ZNF248: variants seen among roughly 807,000 people sequenced by gnomAD.
ZNF248 encodes KRAB protein domain.
ZNF248 carries 20 observed loss-of-function variants against 44.3 expected under a neutral mutation model. The observed-to-expected ratio is 0.45, with a 90% CI of 0.32 to 0.66. The LOEUF is 0.66. Ranked by LOEUF, ZNF248 falls within the 30% of genes least tolerant of loss-of-function variation. ZNF248 has a pLI of 0.04. For missense variants in ZNF248, 654 were observed against 677.0 expected (o/e 0.97, Z 0.38); for synonymous variants, 224 against 229.0 (o/e 0.98, Z 0.20).
chr10:37,778,204 CCTGA>C (rs2046834473), intron 6 of ZNF248, among the ~76,000 whole-genome samples: 1 of 151,474 alleles, frequency 6.6e-6, no homozygotes, highest in South Asian at 2.1e-4. Flanking sequence ...CCTGTTGTTT[CCTGA>C]CTTTTTAATG....
intron 6 of ZNF248, among the ~76,000 whole-genome samples, chr10:37,822,174 T>G (rs2053579097): frequency 1.3e-5 from 2 of 152,196 alleles, no homozygotes; most frequent in Non-Finnish European, 2.9e-5. Flanking sequence ...AATTAATCTC[T>G]CCCTGGAGGC....
intron 6 of ZNF248, among the ~76,000 whole-genome samples, chr10:37,801,081 A>T (rs191494037): frequency 1.7e-3 from 252 of 152,046 alleles, no homozygotes; most frequent in Admixed American, 4.1e-3. Flanking sequence ...TTTTTAAAAA[A>T]ATATCATTAT....
chr10:37,800,809 T>G (rs1210368318), intron 6 of ZNF248, among the ~76,000 whole-genome samples: 1 of 151,732 alleles, frequency 6.6e-6, no homozygotes, highest in East Asian at 2.0e-4. Flanking sequence ...TCACCCAAGG[T>G]GGAGTGCAGT....
intron 6 of ZNF248, among the ~76,000 whole-genome samples, chr10:37,811,608 A>G (rs1056542080): frequency 2.7e-5 from 4 of 150,028 alleles, no homozygotes; most frequent in African/African-American, 4.9e-5. Context: ...GCAGAAGTGG[A>G]CAGACTGCTT....
intron 6 of ZNF248, among the ~76,000 whole-genome samples, chr10:37,788,427 C>G (rs1042656423): frequency 6.6e-6 from 1 of 152,098 alleles, no homozygotes; most frequent in Non-Finnish European, 1.5e-5. Context: ...TCAAGACTAA[C>G]CTGGTCAACA....
chr10:37,790,538 C>T (rs1351086421), intron 6 of ZNF248, among the ~76,000 whole-genome samples: 2 of 151,624 alleles, frequency 1.3e-5, no homozygotes, highest in East Asian at 2.0e-4. Context: ...GGTGAAACCC[C>T]GTTTCTACTA....
intron 5 of ZNF248, among the ~76,000 whole-genome samples, chr10:37,835,550 G>A (rs1297300411): frequency 6.6e-6 from 1 of 152,202 alleles, no homozygotes; most frequent in Non-Finnish European, 1.5e-5. Context: ...GCATATAACT[G>A]CACGGCAATG....
chr10:37,852,036 T>C (rs553901174), intron 3 of ZNF248, among the ~76,000 whole-genome samples: 12 of 152,058 alleles, frequency 7.9e-5, no homozygotes, highest in South Asian at 4.2e-4. Context: ...TCATCTGAGG[T>C]TGGGAGTTTG....
At chr10:37,786,120 C>T (rs1417878751) in intron 6 of ZNF248, among the ~76,000 whole-genome samples, 1 of 152,176 alleles carries the variant, frequency 6.6e-6, no homozygotes, top group African/African-American at 2.4e-5. Flanking sequence ...TTTTATCTCA[C>T]TAAGGCTGAT....
At chr10:37,758,818 GT>G in the ZNF248 span, among the ~76,000 whole-genome samples, 1 of 152,148 alleles carries the variant, frequency 6.6e-6, no homozygotes, top group Non-Finnish European at 1.5e-5. Flanking sequence ...TGTTTTTAAT[GT>G]TTTTGATGTA....
chr10:37,838,711 A>T (rs554230673), intron 3 of ZNF248, among the ~76,000 whole-genome samples: 15 of 152,190 alleles, frequency 9.9e-5, no homozygotes, highest in African/African-American at 3.4e-4. Context: ...CTAGTAAAAA[A>T]ATTCATGGTA....
At chr10:37,767,947 G>C in the ZNF248 span, among the ~76,000 whole-genome samples, 2 of 151,572 alleles carry the variant, frequency 1.3e-5, no homozygotes, top group Admixed American at 1.3e-4. Context: ...CAAGCAAATG[G>C]GAAACAAAAA....
At chr10:37,793,799 A>G (rs2048833044) in intron 6 of ZNF248, among the ~76,000 whole-genome samples, 1 of 152,236 alleles carries the variant, frequency 6.6e-6, no homozygotes, top group Non-Finnish European at 1.5e-5. Context: ...GCGTGTACAC[A>G]TATACATATA....
chr10:37,857,009 C>G (rs2061409015), intron 1 of ZNF248, 176 bp downstream of exon 1: 2 of 152,362 alleles, frequency 1.3e-5, no homozygotes, highest in African/African-American at 4.8e-5. Context: ...GCGGGGATAT[C>G]AGGCCAAGAG....
intron 3 of ZNF248, among the ~76,000 whole-genome samples, chr10:37,852,137 C>A (rs567006307): frequency 6.6e-6 from 1 of 152,022 alleles, no homozygotes; most frequent in African/African-American, 2.4e-5. Flanking sequence ...ATCCCAGCTA[C>A]TCGGGAGTCT....
At chr10:37,777,665 C>T (rs1452719017) in intron 6 of ZNF248, among the ~76,000 whole-genome samples, 1 of 148,536 alleles carries the variant, frequency 6.7e-6, no homozygotes, top group East Asian at 2.0e-4. Flanking sequence ...AGGTATATCT[C>T]CCAATGCTAT....
chr10:37,784,669 A>G (rs2047681609), intron 6 of ZNF248, among the ~76,000 whole-genome samples: 1 of 152,148 alleles, frequency 6.6e-6, no homozygotes, highest in Non-Finnish European at 1.5e-5. Flanking sequence ...AGCAGCATAT[A>G]TTGTCTCGTC....
chr10:37,844,151 A>G (rs1354500427), intron 3 of ZNF248, among the ~76,000 whole-genome samples: 1 of 152,200 alleles, frequency 6.6e-6, no homozygotes, highest in African/African-American at 2.4e-5. Context: ...AATAACAACC[A>G]CAGAGGTCAG....
At position 37,820,530 on chromosome 10, in the gene ZNF248, G is replaced by C. The variant is rs543818506; in HGVS notation, c.330+12495C>G. 222 of 1,601,906 alleles carry C rather than the reference G, an allele frequency of 1.4e-4. 1 individual carries two copies. Among genetic ancestry groups the C allele is most frequent in the Middle Eastern group, 7.4e-4 (4 of 5,428 alleles). ...TGTTGCGGTGAGGATCGTGCAACTGGTGCAACACTTCTGCCAGGGCTGGTC... is the reference window on the plus strand; with the variant it reads ...TGTTGCGGTGAGGATCGTGCAACTGCTGCAACACTTCTGCCAGGGCTGGTC... On this transcript the variant is annotated intron_variant, in intron 6 of 6. Transcript: ENST00000615949.
Sources: allele counts gnomAD v4.1 joint callset (sites outside exome capture counted in the v4.1 genomes callset), GRCh38; gene constraint gnomAD v4.1.1; transcripts MANE v1.5; gene names NCBI Gene and HGNC (gene_info 2026-07-23, HGNC 2026-07-21).